The following PARD3 variants were observed in gnomAD, a reference collection of about 807,000 sequenced individuals.
PARD3 encodes partitioning defective 3 homolog.
PARD3 carries 75 observed loss-of-function variants against 155.4 expected under a neutral mutation model. That is an observed-to-expected ratio of 0.48 (90% CI 0.40 to 0.58). PARD3 has a LOEUF of 0.58. PARD3 is among the 20% of genes least tolerant of loss of function. The probability of loss-of-function intolerance (pLI) is 0.00; values close to 1 mark genes in which losing one functional copy is unlikely to be tolerated. For synonymous variants in PARD3, 576 were observed against 610.5 expected (o/e 0.94, Z 0.83); for missense variants, 1,642 against 1,721.7 (o/e 0.95, Z 0.82).
At chr10:34,699,707 G>A (rs2094238915) in intron 1 of PARD3, among the ~76,000 whole-genome samples, 1 of 152,122 alleles carries the variant, frequency 6.6e-6, no homozygotes, top group Non-Finnish European at 1.5e-5. Flanking sequence ...GCTCATCCCT[G>A]TAATCCCAGA....
chr10:34,784,507 T>C (rs1322998810), intron 1 of PARD3, among the ~76,000 whole-genome samples: 2 of 152,086 alleles, frequency 1.3e-5, no homozygotes, highest in African/African-American at 2.4e-5. Flanking sequence ...TGGTGTAATC[T>C]TGGCTCACTG....
Position 34,231,754 on chromosome 10 carries a change from C to T in PARD3, c.3419+37903G>A, listed in dbSNP as rs555920847. 3.3e-5 allele frequency among the ~76,000 whole-genome samples: 5 copies of T among 152,080 alleles called. No individual in the cohort carries two copies. The South Asian group carries it at 6.2e-4, about 19-fold the overall frequency. On this transcript the variant is annotated intron_variant, in intron 22 of 24. Coordinates refer to ENST00000374788, the MANE Select transcript of PARD3 (RefSeq NM_001184785.2). ...AACAATGCCGACTATTGGCAAGGAACATAAGCACGCTCAGTGATGTCACTG... is the reference window on the plus strand; with the variant it reads ...AACAATGCCGACTATTGGCAAGGAATATAAGCACGCTCAGTGATGTCACTG...
In PARD3 at chr10:34,815,073, G is replaced by A. The variant is rs1258358213; in HGVS notation, c.-78C>T. ...GCCGAGGCCGGGACCGAGGACGCTG[G>A]GCGCGGAGGAGCCGCTGGGGACTCG... On this transcript the variant is annotated 5_prime_UTR_variant, in exon 1 of 25. Coordinates refer to ENST00000374788, the MANE Select transcript of PARD3 (RefSeq NM_001184785.2). 14 of 1,063,500 alleles carry A rather than the reference G, an allele frequency of 1.3e-5. 1 individual carries two copies. The Admixed American group carries it at 6.4e-4, about 48-fold the overall frequency. The allele number at this position is 1,063,500 out of a possible 1,614,324, so 65.9% of individuals were successfully genotyped here.
intron 22 of PARD3, among the ~76,000 whole-genome samples, chr10:34,199,810 T>G (rs1389809467): frequency 6.6e-6 from 1 of 152,070 alleles, no homozygotes; most frequent in African/African-American, 2.4e-5. Flanking sequence ...ATGAGGCAAG[T>G]CCCTCGTTAG....
chr10:34,230,097 C>T lies in PARD3; in HGVS notation c.3419+39560G>A, dbSNP rs183754266. Among the ~76,000 whole-genome samples, 345 of 152,256 alleles carry T rather than the reference C, an allele frequency of 2.3e-3. 2 individuals are homozygous for T. The highest frequency in any genetic ancestry group is 3.4e-3 in the Non-Finnish European group (229 of 68,036). ...ATGAATAACCTTTCCTTGCCCAGCT[C>T]TGGGGAGGCCCTGAGCTGAGGAAAC... On this transcript the variant is annotated intron_variant, in intron 22 of 24. Transcript: ENST00000374788.
At chr10:34,336,433 C>G (rs1007568376) in intron 17 of PARD3, 190 bp from the exon 18 acceptor site, 11 of 529,528 alleles carry the variant, frequency 2.1e-5, no homozygotes, top group Non-Finnish European at 3.7e-5. Flanking sequence ...ATGCAATATG[C>G]CAGTCATTTC....
intron 20 of PARD3, among the ~76,000 whole-genome samples, chr10:34,293,420 T>C (rs1355297755): frequency 1.3e-5 from 2 of 152,112 alleles, no homozygotes; most frequent in Non-Finnish European, 2.9e-5. Context: ...ATGCAAATAA[T>C]AATCACATTA....
At chr10:34,444,509 GT>G (rs1564721004) in intron 5 of PARD3, among the ~76,000 whole-genome samples, 1 of 152,102 alleles carries the variant, frequency 6.6e-6, no homozygotes, top group East Asian at 1.9e-4. Context: ...TTTTTTGTTC[GT>G]TTGTTTCTTG....
At chr10:34,116,272 G>A (rs1258769401) in intron 24 of PARD3, among the ~76,000 whole-genome samples, 1 of 152,104 alleles carries the variant, frequency 6.6e-6, no homozygotes, top group Non-Finnish European at 1.5e-5. Context: ...CTAATGCAAC[G>A]GATACAAAGC....
chr10:34,219,557 G>C (rs1412436557), intron 22 of PARD3, among the ~76,000 whole-genome samples: 3 of 152,164 alleles, frequency 2.0e-5, no homozygotes, highest in African/African-American at 7.2e-5. Context: ...AATAGGGCTG[G>C]TAATGAGATC....
chr10:34,599,334 C>A (rs1172531059), intron 2 of PARD3, among the ~76,000 whole-genome samples: 1 of 152,168 alleles, frequency 6.6e-6, no homozygotes, highest in African/African-American at 2.4e-5. Flanking sequence ...GATTCCACGG[C>A]TCTCTCCACC....
intron 21 of PARD3, among the ~76,000 whole-genome samples, chr10:34,282,027 C>T (rs561975959): frequency 2.6e-5 from 4 of 151,838 alleles, no homozygotes; most frequent in Admixed American, 6.6e-5. Context: ...TTTCCATTCT[C>T]AAAAAGAACA....
At chr10:34,469,404 C>T (rs989559499) in intron 4 of PARD3, among the ~76,000 whole-genome samples, 6 of 152,176 alleles carry the variant, frequency 3.9e-5, no homozygotes, top group Admixed American at 3.9e-4. Context: ...CCACCACGCC[C>T]AGCCAACAAA....
chr10:34,700,585 C>A (rs1271879359), intron 1 of PARD3, among the ~76,000 whole-genome samples: 1 of 148,096 alleles, frequency 6.8e-6, no homozygotes, highest in Non-Finnish European at 1.5e-5. Context: ...TGAAAAAAAT[C>A]TATGTTGATA....
chr10:34,607,681 T>C (rs1408019949), intron 2 of PARD3, among the ~76,000 whole-genome samples: 2 of 152,192 alleles, frequency 1.3e-5, no homozygotes, highest in East Asian at 1.9e-4. Context: ...GTTTGCATCA[T>C]GGACACACTC....
chr10:34,529,005 A>C (rs188663826), intron 2 of PARD3, among the ~76,000 whole-genome samples: 109 of 152,308 alleles, frequency 7.2e-4, no homozygotes, highest in Non-Finnish European at 7.8e-4. Context: ...TAGGTTTGTC[A>C]TTTGGGTGGT....
intron 1 of PARD3, among the ~76,000 whole-genome samples, chr10:34,748,395 G>A (rs551625881): frequency 6.6e-6 from 1 of 152,090 alleles, no homozygotes; most frequent in African/African-American, 2.4e-5. Context: ...GATTGAGCCC[G>A]GGAGGCGGAG....
intron 21 of PARD3, among the ~76,000 whole-genome samples, chr10:34,276,385 A>C (rs1955880272): frequency 6.6e-6 from 1 of 152,176 alleles, no homozygotes; most frequent in Non-Finnish European, 1.5e-5. Context: ...ATTCATGCTA[A>C]CAGTCTCTCT....
intron 3 of PARD3, among the ~76,000 whole-genome samples, chr10:34,475,266 A>G (rs2078633347): frequency 6.6e-6 from 1 of 152,248 alleles, no homozygotes; most frequent in South Asian, 2.1e-4. Context: ...TATAAAACAA[A>G]GCACATTTAG....
Sources: gnomAD v4.1 joint callset for allele counts (sites outside exome capture counted in the v4.1 genomes callset) on GRCh38, gnomAD v4.1.1 for gene constraint, MANE v1.5 for transcripts, NCBI Gene and HGNC (gene_info 2026-07-23, HGNC 2026-07-21) for gene names.